Variants in EIF4EBP2 observed in about 807,000 individuals in gnomAD.
The protein encoded by EIF4EBP2 is eukaryotic translation initiation factor 4E binding protein 2, also known as eukaryotic translation initiation factor 4E-binding protein 2.
Under a neutral mutation model 10.3 loss-of-function variants are expected in EIF4EBP2, and 5 were observed. That is an observed-to-expected ratio of 0.48 (90% CI 0.25 to 1.02). The LOEUF (loss-of-function observed/expected upper bound fraction) is 1.02, where lower values mean the gene tolerates loss of function less well. EIF4EBP2 is among the 50% of genes least tolerant of loss of function. The probability of loss-of-function intolerance (pLI) is 0.15; values close to 1 mark genes in which losing one functional copy is unlikely to be tolerated. For synonymous variants in EIF4EBP2, 67 were observed against 61.1 expected (o/e 1.10, Z -0.45); for missense variants, 188 against 162.2 (o/e 1.16, Z -0.86).
chr10:70,404,401 C>T lies in EIF4EBP2; in HGVS notation c.-1C>T. ...AAAGCCGAGAGCCCGCGCCCACAGC[C>T]ATGTCCTCGTCAGCCGGCAGCGGCC... On this transcript the variant is annotated 5_prime_UTR_variant, in exon 1 of 3. Coordinates refer to ENST00000373218, the MANE Select transcript of EIF4EBP2 (RefSeq NM_004096.5). 1.9e-6 allele frequency: 3 copies of T among 1,580,362 alleles called. No individual in the cohort carries two copies. In the South Asian group the frequency reaches 3.4e-5, roughly 18 times the overall value.
chr10:70,405,322 TAG>T (rs910700993), intron 1 of EIF4EBP2, among the ~76,000 whole-genome samples: 1 of 152,178 alleles, frequency 6.6e-6, no homozygotes, highest in Non-Finnish European at 1.5e-5. Flanking sequence ...TGGAAGGGGC[TAG>T]AGAGAGGCAA....
At chr10:70,415,694 T>C (rs918656370) in intron 1 of EIF4EBP2, among the ~76,000 whole-genome samples, 4 of 152,174 alleles carry the variant, frequency 2.6e-5, no homozygotes, top group African/African-American at 9.7e-5. Flanking sequence ...TTTCAACAGA[T>C]AGTGCTGATA....
chr10:70,426,883 T>C lies in EIF4EBP2; in HGVS notation c.*5136T>C, dbSNP rs1845210482. On this transcript the variant is annotated 3_prime_UTR_variant, in exon 3 of 3. Coordinates refer to ENST00000373218, the MANE Select transcript of EIF4EBP2 (RefSeq NM_004096.5). ...TTAAATTCCTTCATTCTCATTAGAA[T>C]GCAGCCTGCTGAGTATGTGGGTTTC... The C allele has an allele frequency of 6.6e-6, 1 of 152,332 alleles. No homozygotes were observed. The allele number at this position is 152,332 out of a possible 1,614,324, so 9.4% of individuals were successfully genotyped here.
chr10:70,404,761 C>G (rs1844951319), intron 1 of EIF4EBP2, among the ~76,000 whole-genome samples: 2 of 152,228 alleles, frequency 1.3e-5, no homozygotes, highest in Non-Finnish European at 1.5e-5. Context: ...GGGAATGTGG[C>G]TGTCCTGTCG....
chr10:70,408,244 C>T (rs1037153245), intron 1 of EIF4EBP2, among the ~76,000 whole-genome samples: 3 of 150,360 alleles, frequency 2.0e-5, no homozygotes, highest in African/African-American at 4.9e-5. Context: ...GGGCGGCTGG[C>T]CGGGCACAGG....
At chr10:70,405,340 A>G (rs1466592329) in intron 1 of EIF4EBP2, among the ~76,000 whole-genome samples, 1 of 152,168 alleles carries the variant, frequency 6.6e-6, no homozygotes, top group African/African-American at 2.4e-5. Flanking sequence ...GGCAATCCAG[A>G]GAGAGGGTGG....
intron 1 of EIF4EBP2, among the ~76,000 whole-genome samples, chr10:70,415,538 T>A (rs895477771): frequency 2.6e-5 from 4 of 152,146 alleles, no homozygotes; most frequent in African/African-American, 9.7e-5. Context: ...TCAAAACTTA[T>A]TACAAGTCAA....
In EIF4EBP2 at chr10:70,425,512, G is replaced by C. The variant is rs1238608865; in HGVS notation, c.*3765G>C. 6.6e-6 allele frequency: 1 copy of C among 152,202 alleles called. No individual in the cohort carries two copies. Among genetic ancestry groups the C allele is most frequent in the Non-Finnish European group, 1.5e-5 (1 of 68,032 alleles). 9.4% of individuals were successfully genotyped at this position (152,202 alleles called of 1,614,324 possible). A position where few individuals can be genotyped will look rare whatever the true frequency, so the allele number is the denominator to read the frequency against. On this transcript the variant is annotated 3_prime_UTR_variant, in exon 3 of 3. Transcript: ENST00000373218. ...GAAAGATAGATTGCTATCAAAAACA[G>C]TTCTCCAAGATGTGCATAGCCAAAC...
In EIF4EBP2 at chr10:70,424,408, A is replaced by G. The variant is rs1302333264; in HGVS notation, c.*2661A>G. The stretch of plus-strand genomic sequence containing the variant: ...ACAGTCTTTCTTTTATCTTATGGAG[A>G]TAAATTGGCATTTAAAAAATAATTT... On this transcript the variant is annotated 3_prime_UTR_variant, in exon 3 of 3. Coordinates refer to ENST00000373218, the MANE Select transcript of EIF4EBP2 (RefSeq NM_004096.5). The G allele has an allele frequency of 6.6e-6, 1 of 152,194 alleles. No individual in the cohort carries two copies. Among genetic ancestry groups the G allele is most frequent in the East Asian group, 1.9e-4 (1 of 5,200 alleles). 9.4% of individuals were successfully genotyped at this position (152,194 alleles called of 1,614,324 possible).
At chr10:70,413,133 CTT>C (rs1310633794) in intron 1 of EIF4EBP2, among the ~76,000 whole-genome samples, 1 of 152,176 alleles carries the variant, frequency 6.6e-6, no homozygotes, top group South Asian at 2.1e-4. Context: ...CTTTCTGTCT[CTT>C]GTTTCTCATC....
intron 1 of EIF4EBP2, among the ~76,000 whole-genome samples, chr10:70,417,343 T>C (rs1413704819): frequency 6.6e-6 from 1 of 150,848 alleles, no homozygotes; most frequent in Non-Finnish European, 1.5e-5. Context: ...GGTCAGAGGG[T>C]GTGGGGAGAT....
intron 1 of EIF4EBP2, among the ~76,000 whole-genome samples, chr10:70,406,724 C>G (rs1324541030): frequency 2.6e-5 from 4 of 152,220 alleles, no homozygotes; most frequent in Admixed American, 6.5e-5. Context: ...CATTACCCCT[C>G]CTCCTAACAA....
chr10:70,407,566 T>TC (rs1170413052), intron 1 of EIF4EBP2, among the ~76,000 whole-genome samples: 1 of 151,776 alleles, frequency 6.6e-6, no homozygotes, highest in South Asian at 2.1e-4. Flanking sequence ...TCCCCACCTT[T>TC]CCCCCCTTTC....
In EIF4EBP2 at chr10:70,404,295, G is replaced by GGAGCGCGCA; in HGVS notation, c.-98_-90dup. On this transcript the variant is annotated 5_prime_UTR_variant, in exon 1 of 3. Coordinates refer to ENST00000373218, the MANE Select transcript of EIF4EBP2 (RefSeq NM_004096.5). The stretch of plus-strand genomic sequence containing the variant: ...CGAGGGAACGGGAGGAAGCGAGCGA[G>GGAGCGCGCA]GAGCGCGCAGAGCGCGCTTTTCCGT... 3.0e-6 allele frequency: 4 copies of GGAGCGCGCA among 1,345,444 alleles called. No homozygotes were observed. Among genetic ancestry groups the GGAGCGCGCA allele is most frequent in the Non-Finnish European group, 3.9e-6 (4 of 1,033,498 alleles). The allele number at this position is 1,345,444 out of a possible 1,614,324, so 83.3% of individuals were successfully genotyped here. A position where few individuals can be genotyped will look rare whatever the true frequency, so the allele number is the denominator to read the frequency against.
intron 2 of EIF4EBP2, 55 bp downstream of exon 2, chr10:70,420,154 CTGTT>C: frequency 6.7e-7 from 1 of 1,488,780 alleles, no homozygotes; most frequent in Non-Finnish European, 9.0e-7. Flanking sequence ...ATTTGAATGT[CTGTT>C]TGCTGTAGGT....
intron 1 of EIF4EBP2, among the ~76,000 whole-genome samples, chr10:70,411,725 G>A (rs149572677): frequency 6.6e-6 from 1 of 152,260 alleles, no homozygotes; most frequent in African/African-American, 2.4e-5. Flanking sequence ...AAAGTGCTGT[G>A]ATTATAGGTG....
At chr10:70,417,182 T>C (rs913684732) in intron 1 of EIF4EBP2, among the ~76,000 whole-genome samples, 16 of 152,294 alleles carry the variant, frequency 1.1e-4, no homozygotes, top group African/African-American at 3.6e-4. Context: ...AATGAGGTAC[T>C]GATAAATGCT....
intron 1 of EIF4EBP2, among the ~76,000 whole-genome samples, chr10:70,407,550 A>G (rs946922704): frequency 2.6e-5 from 4 of 152,004 alleles, no homozygotes; most frequent in Admixed American, 6.5e-5. Flanking sequence ...CGATTTCTCA[A>G]TCTTTTCCCC....
At chr10:70,405,651 G>A (rs1024762924) in intron 1 of EIF4EBP2, among the ~76,000 whole-genome samples, 2 of 152,196 alleles carry the variant, frequency 1.3e-5, no homozygotes, top group African/African-American at 4.8e-5. Flanking sequence ...CTGTGGGCAG[G>A]GCTCAGGAGC....
Sources: allele counts gnomAD v4.1 joint callset (sites outside exome capture counted in the v4.1 genomes callset), GRCh38; gene constraint gnomAD v4.1.1; transcripts MANE v1.5; gene names NCBI Gene and HGNC (gene_info 2026-07-23, HGNC 2026-07-21).